Variants in BANK1 observed in about 807,000 individuals in gnomAD.
The protein encoded by BANK1 is B-cell scaffold protein with ankyrin repeats.
BANK1 carries 95 observed loss-of-function variants against 94.5 expected under a neutral mutation model. The ratio of observed to expected loss-of-function variants is 1.00; its 90% CI spans 0.85 to 1.19. The LOEUF (loss-of-function observed/expected upper bound fraction) is 1.19, where lower values mean the gene tolerates loss of function less well. Ranked by LOEUF, BANK1 falls within the 50% of genes most tolerant of loss-of-function variation. BANK1 has a pLI of 0.00. For missense variants in BANK1, 987 were observed against 932.2 expected, an observed-to-expected ratio of 1.06 and a Z score of -0.77; for synonymous variants, 334 against 308.4, an observed-to-expected ratio of 1.08 and a Z score of -0.87.
intron 7 of BANK1, among the ~76,000 whole-genome samples, chr4:101,965,899 C>A (rs1724733801): frequency 6.6e-6 from 1 of 152,030 alleles, no homozygotes; most frequent in Admixed American, 6.6e-5. Flanking sequence ...TAATTCATAG[C>A]CTTATGATAT....
chr4:101,879,790 G>C (rs1728612159), intron 5 of BANK1, among the ~76,000 whole-genome samples: 2 of 152,140 alleles, frequency 1.3e-5, no homozygotes, highest in South Asian at 4.1e-4. Flanking sequence ...TTCAAAATAT[G>C]CAAATAAACC....
At chr4:101,829,368 A>G (rs1726513282) in intron 1 of BANK1, among the ~76,000 whole-genome samples, 1 of 150,714 alleles carries the variant, frequency 6.6e-6, no homozygotes, top group Admixed American at 6.6e-5. Context: ...TTGACTCTCA[A>G]CTAAATATAT....
intron 7 of BANK1, among the ~76,000 whole-genome samples, chr4:101,954,183 T>A (rs2148915948): frequency 6.6e-6 from 1 of 152,246 alleles, no homozygotes; most frequent in South Asian, 2.1e-4. Context: ...TAAAAGGACA[T>A]CAGTCAATGA....
At position 101,805,316 on chromosome 4, in the gene BANK1, G is replaced by T. The variant is rs188362007; in HGVS notation, c.70+14366G>T. ...CAAGAATGAATTTTATGTCTTTGAG[G>T]TTAACTAACTTAACAGGACATATAG... is the stretch of plus-strand genomic sequence containing the variant. On this transcript the variant is annotated intron_variant, in intron 1 of 16. Transcript: ENST00000322953. Among the ~76,000 whole-genome samples, 3 of 152,146 alleles carry T rather than the reference G, an allele frequency of 2.0e-5. No homozygotes were observed. The East Asian group carries it at 5.8e-4, about 29-fold the overall frequency.
intron 7 of BANK1, among the ~76,000 whole-genome samples, chr4:101,935,198 C>T (rs1723487780): frequency 6.6e-6 from 1 of 151,452 alleles, no homozygotes; most frequent in Non-Finnish European, 1.5e-5. Flanking sequence ...TTGAAGAAAG[C>T]AGGTTACCCA....
At chr4:102,058,934 G>A (rs367821710) in intron 11 of BANK1, among the ~76,000 whole-genome samples, 3 of 152,252 alleles carry the variant, frequency 2.0e-5, no homozygotes, top group African/African-American at 7.2e-5. Flanking sequence ...CCCTCTCCAT[G>A]TCCCTGTTCC....
chr4:101,969,167 G>C (rs950806227), intron 7 of BANK1, among the ~76,000 whole-genome samples: 1 of 152,036 alleles, frequency 6.6e-6, no homozygotes, highest in Non-Finnish European at 1.5e-5. Context: ...ACAGAGAACA[G>C]GGTCAGACCA....
At position 102,060,196 on chromosome 4, in the gene BANK1, C is replaced by T. The variant is rs1311128781; in HGVS notation, c.1970-15C>T. 6.5e-7 allele frequency: 1 copy of T among 1,549,864 alleles called. No individual in the cohort carries two copies. The highest frequency in any genetic ancestry group is 2.4e-5 in the East Asian group (1 of 42,388). ...CCTGGACTTTCTGTTAATGCACCCT[C>T]CCCTTGTATTTTAGACAGAGCTCGG... is the stretch of plus-strand genomic sequence containing the variant. On this transcript the variant is annotated splice_polypyrimidine_tract_variant and intron_variant, in intron 11 of 16. Transcript: ENST00000322953.
At chr4:101,979,639 G>A (rs1352080786) in intron 7 of BANK1, among the ~76,000 whole-genome samples, 1 of 151,764 alleles carries the variant, frequency 6.6e-6, no homozygotes, top group Non-Finnish European at 1.5e-5. Flanking sequence ...CTATATGTAT[G>A]ATTTTGATTC....
intron 5 of BANK1, among the ~76,000 whole-genome samples, chr4:101,886,940 A>G (rs1171999999): frequency 6.6e-6 from 1 of 152,188 alleles, no homozygotes; most frequent in East Asian, 1.9e-4. Context: ...TTACAGCATA[A>G]TATAACATTC....
chr4:101,832,881 T>A (rs1398545742), intron 2 of BANK1, among the ~76,000 whole-genome samples: 1 of 152,034 alleles, frequency 6.6e-6, no homozygotes, highest in East Asian at 1.9e-4. Context: ...CTTTGCTTTC[T>A]TTTTCCCTCC....
chr4:101,853,145 A>G (rs927136543), intron 2 of BANK1, among the ~76,000 whole-genome samples: 3 of 152,146 alleles, frequency 2.0e-5, no homozygotes, highest in Non-Finnish European at 4.4e-5. Flanking sequence ...ACTGTTTTTC[A>G]TTTCAAACAA....
At position 101,853,655 on chromosome 4, in the gene BANK1, ATT is replaced by A. The variant is rs1393892259; in HGVS notation, c.470-1377_470-1376del. On this transcript the variant is annotated intron_variant, in intron 2 of 16. Transcript: ENST00000322953. ...TGCCTGCTATCAAGAAGCAGGCGTA[ATT>A]TTATGATTTGACATATTAATGGAAT... Among the ~76,000 whole-genome samples, 10 of 152,224 alleles carry A rather than the reference ATT, an allele frequency of 6.6e-5. No homozygotes were observed. In the East Asian group the frequency reaches 1.9e-3, roughly 29 times the overall value.
chr4:101,858,967 C>T (rs975911227), intron 3 of BANK1, among the ~76,000 whole-genome samples: 2 of 152,068 alleles, frequency 1.3e-5, no homozygotes, highest in African/African-American at 4.8e-5. Flanking sequence ...ATTGAGATGA[C>T]ATGAAAGAAT....
rs530160565 is a variant in BANK1 at position 101,834,493 on chromosome 4, A to G, written c.469+4287A>G. On this transcript the variant is annotated intron_variant, in intron 2 of 16. Transcript: ENST00000322953. ...CCAAACTGCATAAAATAACTTTTAT[A>G]TGTGGGTTGTGTCCTTTGAAGAAAT... Among the ~76,000 whole-genome samples the G allele has an allele frequency of 9.8e-5, 15 of 152,330 alleles. No homozygotes were observed. In the South Asian group the frequency reaches 2.5e-3, roughly 25 times the overall value.
At chr4:101,793,939 A>G (rs1725071517) in intron 1 of BANK1, among the ~76,000 whole-genome samples, 2 of 152,104 alleles carry the variant, frequency 1.3e-5, no homozygotes, top group Non-Finnish European at 2.9e-5. Flanking sequence ...ATTGCCTCAT[A>G]CTGACTTGAA....
intron 7 of BANK1, among the ~76,000 whole-genome samples, chr4:101,956,487 A>T (rs1724350004): frequency 6.6e-6 from 1 of 152,204 alleles, no homozygotes; most frequent in Non-Finnish European, 1.5e-5. Context: ...AAAGTCCTAG[A>T]CATCATCTAT....
intron 7 of BANK1, among the ~76,000 whole-genome samples, chr4:102,012,715 C>T (rs1726550787): frequency 6.6e-6 from 1 of 152,024 alleles, no homozygotes; most frequent in African/African-American, 2.4e-5. Context: ...TGTCCAACAA[C>T]TTGTGGTGAT....
chr4:102,065,079 A>C (rs1481991220), intron 13 of BANK1, among the ~76,000 whole-genome samples: 1 of 152,204 alleles, frequency 6.6e-6, no homozygotes, highest in Non-Finnish European at 1.5e-5. Context: ...AGCAAAAGAG[A>C]GACACTAGAG....
Sources: allele counts gnomAD v4.1 joint callset (sites outside exome capture counted in the v4.1 genomes callset), GRCh38; gene constraint gnomAD v4.1.1; transcripts MANE v1.5; gene names NCBI Gene and HGNC (gene_info 2026-07-23, HGNC 2026-07-21).